Variants in SIGLEC6 observed in about 807,000 individuals in gnomAD.
SIGLEC6 encodes the protein sialic acid binding Ig like lectin 6.
A neutral mutation model predicts 41.4 loss-of-function variants in SIGLEC6; 31 were observed. The observed-to-expected ratio is 0.75, with a 90% CI of 0.56 to 1.01. SIGLEC6 has a LOEUF of 1.01. Among genes scored for constraint, SIGLEC6 ranks in the 50% least tolerant of loss-of-function variants. The pLI, the probability that SIGLEC6 is intolerant of heterozygous loss-of-function variation, is 0.00. For missense variants in SIGLEC6, 555 were observed against 558.6 expected (o/e 0.99, Z 0.06); for synonymous variants, 217 against 231.0 (o/e 0.94, Z 0.55).
intron 5 of SIGLEC6, 170 bp from the exon 6 acceptor site, chr19:51,528,423 C>T (rs909830650): frequency 3.8e-5 from 24 of 625,108 alleles, no homozygotes; most frequent in Non-Finnish European, 5.7e-5. Flanking sequence ...ATGACTCCCC[C>T]TTCCCCCAAC....
At chr19:51,520,628 G>A (rs1990853070) in intron 7 of SIGLEC6, among the ~76,000 whole-genome samples, 1 of 151,972 alleles carries the variant, frequency 6.6e-6, no homozygotes, top group Non-Finnish European at 1.5e-5. Flanking sequence ...CACCCACCTT[G>A]GCTTCCTAAA....
Position 51,520,090 on chromosome 19 carries a change from G to T in SIGLEC6, c.1354C>A (p.His452Asn). The change falls in exon 8 of 8, where the codon CAC (histidine) becomes AAC (asparagine). Residue 452 changes from histidine to asparagine, a missense_variant. Transcript: ENST00000425629. ...TGGCTTTGGACAATTCCTCACTTGT[G>T]TATCTTGATTTCTGAGTACTCAGTG... ...TDTEYSEIKI[H>N]K 1 of 1,563,704 alleles carries T rather than the reference G, an allele frequency of 6.4e-7. No individual in the cohort carries two copies. The highest frequency in any genetic ancestry group is 1.7e-5 in the Admixed American group (1 of 59,230).
chr19:51,531,073 G>A (rs543700408), intron 2 of SIGLEC6, 87 bp downstream of exon 2: 131 of 1,556,092 alleles, frequency 8.4e-5, no homozygotes, highest in Admixed American at 7.7e-4. Context: ...AATTGTACCC[G>A]CCTCCCAAGA....
At position 51,530,893 on chromosome 19, in the gene SIGLEC6, G is replaced by T. The variant is rs368418347; in HGVS notation, c.494C>A (p.Thr165Asn). 2 of 1,613,770 alleles carry T rather than the reference G, an allele frequency of 1.2e-6. No homozygotes were observed. The highest frequency in any genetic ancestry group is 1.1e-5 in the South Asian group (1 of 91,086). Residue 165 changes from threonine to asparagine, a missense_variant, in exon 3 of 8, where the codon ACC becomes AAC. Transcript: ENST00000425629. ...TLESGHPSNL[T>N]CSVPWVCEQG... is the part of the protein sequence containing the mutation. ...CTCACAGACCCAGGGCACAGAGCAG[G>T]TCAGATTGCTGGGATGGCCAGACTC...
At position 51,518,332 on chromosome 19, in the gene SIGLEC6, T is replaced by C. The variant is rs1990670379; in HGVS notation, c.*1750A>G. Among the ~76,000 whole-genome samples the C allele has an allele frequency of 6.6e-6, 1 of 152,090 alleles. No homozygotes were observed. The highest frequency in any genetic ancestry group is 2.4e-5 in the African/African-American group (1 of 41,418). On this transcript the variant is annotated 3_prime_UTR_variant, in exon 8 of 8. Transcript: ENST00000425629. ...CAGTCTAATTGTGGTTTTTTGCTTG[T>C]TTGTTTGTTTTGTTTTGCTTTTTCT...
chr19:51,524,749 C>T (rs1978911501), intron 7 of SIGLEC6, among the ~76,000 whole-genome samples: 1 of 152,118 alleles, frequency 6.6e-6, no homozygotes, highest in Non-Finnish European at 1.5e-5. Flanking sequence ...GGCAAATAAA[C>T]ATTAGCTCGC....
intron 4 of SIGLEC6, among the ~76,000 whole-genome samples, chr19:51,530,204 C>T (rs1490193902): frequency 6.6e-6 from 1 of 152,132 alleles, no homozygotes; most frequent in Non-Finnish European, 1.5e-5. Context: ...AAGTGCCATT[C>T]CTGGACCATG....
At chr19:51,530,027 A>C in intron 4 of SIGLEC6, 46 bp from the exon 5 acceptor site, 2 of 1,532,884 alleles carry the variant, frequency 1.3e-6, no homozygotes, top group Non-Finnish European at 1.8e-6. Context: ...GTATAGGGGC[A>C]AAGCACTGGT....
At chr19:51,521,009 G>A (rs1278579656) in intron 7 of SIGLEC6, among the ~76,000 whole-genome samples, 1 of 152,058 alleles carries the variant, frequency 6.6e-6, no homozygotes, top group Non-Finnish European at 1.5e-5. Flanking sequence ...GTTAAAAACA[G>A]GAAACAAAAT....
chr19:51,531,082 G>T, intron 2 of SIGLEC6, 78 bp downstream of exon 2: 1 of 1,552,730 alleles, frequency 6.4e-7, no homozygotes, highest in Non-Finnish European at 8.6e-7. Context: ...CGCCTCCCAA[G>T]ACGGGGCTCC....
intron 3 of SIGLEC6, 66 bp from the exon 4 acceptor site, chr19:51,530,550 C>T: frequency 6.2e-7 from 1 of 1,607,450 alleles, no homozygotes; most frequent in Non-Finnish European, 8.5e-7. Context: ...GGGCCTTCCC[C>T]TCAGGAGCCA....
rs777034709 is a variant in SIGLEC6, at chr19:51,529,924, C to A, written c.812G>T (p.Arg271Leu). The change falls in exon 5 of 8, where the codon CGG (arginine) becomes CTG (leucine). Residue 271 changes from arginine to leucine, a missense_variant. Transcript: ENST00000425629. ...GTTGCCGTCAGCATCACAGAGCAGC[C>A]GCAGAGCCTGGCCCTCCAGGACAGG... Reference protein sequence around the residue: ...SLPVLEGQALRLLCDADGNPP... With the variant: ...SLPVLEGQALLLLCDADGNPP... The A allele has an allele frequency of 1.9e-6, 3 of 1,612,964 alleles. No homozygotes were observed. The South Asian group carries it at 3.3e-5, about 18-fold the overall frequency.
At chr19:51,530,579 C>A in intron 3 of SIGLEC6, 95 bp from the exon 4 acceptor site, 1 of 1,604,302 alleles carries the variant, frequency 6.2e-7, no homozygotes. Context: ...GGGAAAGGGG[C>A]TCTCCTCTTT....
In SIGLEC6 at chr19:51,531,343, C is replaced by G; in HGVS notation, c.244G>C (p.Asp82His). Residue 82 changes from aspartate to histidine, a missense_variant, in exon 2 of 8, where the codon GAC becomes CAC. Physicochemically the swap from Asp to His is moderately conservative, Grantham distance 81. Transcript: ENST00000425629. ...ADVPVATNDP[D>H]EEVQEETRGR... ...CGGGTCTCCTCCTGCACTTCTTCGT[C>G]TGGGTCGTTTGTGGCCACTGGAACA... The G allele has an allele frequency of 6.2e-7, 1 of 1,614,176 alleles. No homozygotes were observed.
At position 51,519,085 on chromosome 19, in the gene SIGLEC6, G is replaced by A. The variant is rs1990711712; in HGVS notation, c.*997C>T. 6.6e-6 allele frequency among the ~76,000 whole-genome samples: 1 copy of A among 152,056 alleles called. No homozygotes were observed. Among genetic ancestry groups the A allele is most frequent in the Admixed American group, 6.5e-5 (1 of 15,274 alleles). ...CCGAGGAGGGCAGATCACGAGGTCAGGAGATCAAGACCATCCTGGCTAACA... is the reference window on the plus strand; with the variant it reads ...CCGAGGAGGGCAGATCACGAGGTCAAGAGATCAAGACCATCCTGGCTAACA... On this transcript the variant is annotated 3_prime_UTR_variant, in exon 8 of 8. Coordinates refer to ENST00000425629, the MANE Select transcript of SIGLEC6 (RefSeq NM_001245.7).
chr19:51,520,447 C>T lies in SIGLEC6; in HGVS notation c.1189-192G>A, dbSNP rs543750155. Among the ~76,000 whole-genome samples, 14 of 151,888 alleles carry T rather than the reference C, an allele frequency of 9.2e-5. 1 individual carries two copies. The highest frequency in any genetic ancestry group is 8.3e-4 in the South Asian group (4 of 4,802). On this transcript the variant is annotated intron_variant, in intron 7 of 7. Coordinates refer to ENST00000425629, the MANE Select transcript of SIGLEC6 (RefSeq NM_001245.7). ...CTCTGTTGTCCAGGCTGGAGTGCAG[C>T]GGCATGATCACGGCTCAGGCAGCCT...
chr19:51,529,142 G>T (rs1979753144), intron 5 of SIGLEC6, among the ~76,000 whole-genome samples: 1 of 152,146 alleles, frequency 6.6e-6, no homozygotes, highest in Admixed American at 6.5e-5. Context: ...ACCACCAGAA[G>T]CCAGGGAAGG....
In SIGLEC6 at chr19:51,519,915, C is replaced by T; in HGVS notation, c.*167G>A. On this transcript the variant is annotated 3_prime_UTR_variant, in exon 8 of 8. Coordinates refer to ENST00000425629, the MANE Select transcript of SIGLEC6 (RefSeq NM_001245.7). ...AAGAGAGGCCTTAGAAGGGACCAAC[C>T]CTGATAACACCTTGTTCTCAGACCT... is the stretch of plus-strand genomic sequence containing the variant. The T allele has an allele frequency of 1.9e-6, 1 of 518,452 alleles. No individual in the cohort carries two copies. The highest frequency in any genetic ancestry group is 3.2e-6 in the Non-Finnish European group (1 of 317,208). The allele number at this position is 518,452 out of a possible 1,614,324, so 32.1% of individuals were successfully genotyped here.
At chr19:51,523,758 C>T (rs1025384071) in intron 7 of SIGLEC6, among the ~76,000 whole-genome samples, 15 of 152,188 alleles carry the variant, frequency 9.9e-5, no homozygotes, top group Admixed American at 9.2e-4. Flanking sequence ...CAGTGGCTCA[C>T]GCCCGTAATC....
Sources: allele counts gnomAD v4.1 joint callset (sites outside exome capture counted in the v4.1 genomes callset), GRCh38; gene constraint gnomAD v4.1.1; transcripts MANE v1.5; gene names NCBI Gene and HGNC (gene_info 2026-07-23, HGNC 2026-07-21).